The following APC variants were observed in gnomAD, a reference collection of about 807,000 sequenced individuals.
APC encodes APC regulator of Wnt signaling pathway.
A neutral mutation model predicts 247.0 loss-of-function variants in APC; 72 were observed. The ratio of observed to expected loss-of-function variants is 0.29; its 90% CI spans 0.24 to 0.35. The LOEUF (loss-of-function observed/expected upper bound fraction) is 0.35, where lower values mean the gene tolerates loss of function less well. APC is among the 10% of genes least tolerant of loss of function. The pLI is 1.00. For synonymous variants in APC, 1,254 were observed against 1,162.5 expected (o/e 1.08, Z -1.60); for missense variants, 3,400 against 3,360.7 (o/e 1.01, Z -0.29).
intron 11 of APC, among the ~76,000 whole-genome samples, chr5:112,825,906 T>C (rs1763611266): frequency 6.6e-6 from 1 of 152,234 alleles, no homozygotes; most frequent in African/African-American, 2.4e-5. Context: ...TCACTGTCTC[T>C]GTATTTTGCC....
At chr5:112,722,041 G>A (rs1231509328) in intron 1 of APC, among the ~76,000 whole-genome samples, 1 of 152,150 alleles carries the variant, frequency 6.6e-6, no homozygotes, top group African/African-American at 2.4e-5. Context: ...TACATAGGAT[G>A]TGAGAGGAAA....
chr5:112,711,391 A>C (rs533858074), intron 1 of APC, among the ~76,000 whole-genome samples: 1 of 152,308 alleles, frequency 6.6e-6, no homozygotes, highest in Non-Finnish European at 1.5e-5. Context: ...CCTGGTGCCA[A>C]AAAGGTTGGG....
Position 112,842,056 on chromosome 5 carries a change from A to C in APC, c.6462A>C (p.Gln2154His). ...LGSPFHLTPD[Q>H]EEKPFTSNKG... Reference sequence around the variant, plus strand: ...CACCATTTCATCTTACACCTGATCAAGAAGAAAAACCCTTTACAAGTAATA... The same window carrying C: ...CACCATTTCATCTTACACCTGATCACGAAGAAAAACCCTTTACAAGTAATA... Residue 2154 changes from glutamine to histidine, a missense_variant, in exon 16 of 16, where the codon CAA becomes CAC. Physicochemically the swap from Gln to His is conservative, Grantham distance 24. Around this residue, in one of 9 missense-constraint regions of APC, gnomAD observed 1,788 missense variants for 1,649.5 expected, o/e 1.08. Transcript: ENST00000257430. 6.2e-7 allele frequency: 1 copy of C among 1,613,198 alleles called. No individual in the cohort carries two copies. The highest frequency in any genetic ancestry group is 2.2e-5 in the East Asian group (1 of 44,872).
At chr5:112,836,165 T>TTCC (rs1554083526) in intron 15 of APC, among the ~76,000 whole-genome samples, 250 of 24,464 alleles carry the variant, frequency 0.01, 33 homozygotes, top group East Asian at 0.025. Context: ...GGATTACAGG[T>TTCC]CCCCCCCCCC....
intron 1 of APC, among the ~76,000 whole-genome samples, chr5:112,708,261 G>A (rs1344463279): frequency 6.6e-6 from 1 of 152,156 alleles, no homozygotes; most frequent in Admixed American, 6.5e-5. Context: ...TAAACTCTCT[G>A]CCTGGGAAAA....
rs377697545 is a variant in APC at position 112,780,953 on chromosome 5, A to G, written c.645+50A>G. The G allele has an allele frequency of 2.0e-3, 2,378 of 1,176,206 alleles. 49 individuals carry two copies. In the South Asian group the frequency reaches 0.029, roughly 14 times the overall value. The allele number at this position is 1,176,206 out of a possible 1,614,324, so 72.9% of individuals were successfully genotyped here. On this transcript the variant is annotated intron_variant, in intron 6 of 15. Transcript: ENST00000257430. ...AAAACAGCGAAGAGCTATTAGGAAT[A>G]AAATGAATTACAGCTCTGTTAATAT...
At chr5:112,774,892 A>G (rs1340880215) in intron 4 of APC, among the ~76,000 whole-genome samples, 1 of 152,220 alleles carries the variant, frequency 6.6e-6, no homozygotes, top group Non-Finnish European at 1.5e-5. Context: ...TTGTATTTTT[A>G]TAGAATAGCT....
At chr5:112,797,900 A>T (rs1417599581) in intron 7 of APC, among the ~76,000 whole-genome samples, 1 of 152,226 alleles carries the variant, frequency 6.6e-6, no homozygotes, top group Non-Finnish European at 1.5e-5. Context: ...CACACCCATT[A>T]TGATGGCTTT....
At chr5:112,726,518 G>GC (rs1751793082) in intron 1 of APC, among the ~76,000 whole-genome samples, 1 of 152,128 alleles carries the variant, frequency 6.6e-6, no homozygotes, top group African/African-American at 2.4e-5. Flanking sequence ...TCCTTGTGGA[G>GC]CAGGGGGTTT....
intron 2 of APC, among the ~76,000 whole-genome samples, chr5:112,764,203 G>A (rs144687604): frequency 1.9e-4 from 28 of 148,206 alleles, no homozygotes; most frequent in Non-Finnish European, 3.7e-4. Context: ...CCGAGATTGC[G>A]CCACTGCTCT....
At chr5:112,711,127 G>A (rs1750822184) in intron 1 of APC, among the ~76,000 whole-genome samples, 1 of 152,204 alleles carries the variant, frequency 6.6e-6, no homozygotes, top group Admixed American at 6.5e-5. Flanking sequence ...GAACTGGGCA[G>A]CATAGCAGGA....
chr5:112,764,008 C>G (rs1409388871), intron 2 of APC, among the ~76,000 whole-genome samples: 1 of 151,218 alleles, frequency 6.6e-6, no homozygotes. Flanking sequence ...GAGGCTGACG[C>G]GGGCGGATGG....
intron 1 of APC, among the ~76,000 whole-genome samples, chr5:112,713,816 C>A (rs1260588626): frequency 6.6e-6 from 1 of 152,102 alleles, no homozygotes; most frequent in Non-Finnish European, 1.5e-5. Flanking sequence ...TGCCACCACA[C>A]CCAGCTAATT....
intron 1 of APC, among the ~76,000 whole-genome samples, chr5:112,721,247 C>T (rs1271529499): frequency 2.6e-5 from 4 of 151,932 alleles, no homozygotes; most frequent in Non-Finnish European, 5.9e-5. Context: ...AACTCCATCT[C>T]TAGTAAAAAT....
At chr5:112,834,205 C>T in intron 14 of APC, among the ~76,000 whole-genome samples, 1 of 148,238 alleles carries the variant, frequency 6.7e-6, no homozygotes, top group East Asian at 2.0e-4. Flanking sequence ...TTCCAAAGTG[C>T]TGGGATTACA....
chr5:112,818,700 G>A (rs1314801869), intron 9 of APC, among the ~76,000 whole-genome samples: 1 of 152,012 alleles, frequency 6.6e-6, no homozygotes, highest in Non-Finnish European at 1.5e-5. Context: ...TAGTGAGTAT[G>A]CAAAAACCTA....
chr5:112,758,635 A>G (rs570718101), intron 2 of APC, among the ~76,000 whole-genome samples: 1 of 148,706 alleles, frequency 6.7e-6, no homozygotes, highest in Non-Finnish European at 1.5e-5. Context: ...CCTCCCCACA[A>G]CTTTTTTTTA....
In APC at chr5:112,841,363, T is replaced by TAA; in HGVS notation, c.5771_5772dup (p.Pro1925AsnfsTer46). 1 of 1,613,694 alleles carries TAA rather than the reference T, an allele frequency of 6.2e-7. No individual in the cohort carries two copies. The highest frequency in any genetic ancestry group is 8.5e-7 in the Non-Finnish European group (1 of 1,179,648). On this transcript the variant is annotated frameshift_variant, in exon 16 of 16. Coordinates refer to ENST00000257430, the MANE Select transcript of APC (RefSeq NM_000038.6). LOFTEE classifies it high-confidence loss of function. The surrounding 1 kb of genome is among the most constrained non-coding windows in gnomAD (Gnocchi z 4.6). The stretch of plus-strand genomic sequence containing the variant: ...AGCAGCCAATAAATCGAGGTCAGCC[T>TAA]AAACCCATACTTCAGAAACAATCCA...
upstream of APC, among the ~76,000 whole-genome samples, chr5:112,736,891 A>G (rs1387250822): frequency 1.3e-5 from 2 of 152,194 alleles, no homozygotes; most frequent in Non-Finnish European, 2.9e-5. Flanking sequence ...TCGCCTGGTG[A>G]CAGAGCAAGA....
Sources: allele counts gnomAD v4.1 joint callset (sites outside exome capture counted in the v4.1 genomes callset), GRCh38; gene constraint gnomAD v4.1.1; regional missense constraint gnomAD v4.1.1; non-coding constraint Gnocchi (gnomAD v3.1); transcripts MANE v1.5; gene names NCBI Gene and HGNC (gene_info 2026-07-23, HGNC 2026-07-21).